The following NPAS3 variants were observed in gnomAD, a reference collection of about 807,000 sequenced individuals.
The protein encoded by NPAS3 is neuronal PAS domain-containing protein 3.
NPAS3 carries 14 observed loss-of-function variants against 73.1 expected under a neutral mutation model. That is an observed-to-expected ratio of 0.19 (90% CI 0.13 to 0.30). The LOEUF (loss-of-function observed/expected upper bound fraction) is 0.30. NPAS3 is among the 10% of genes least tolerant of loss of function. The pLI is 1.00. For missense variants in NPAS3, 1,096 were observed against 1,250.0 expected (o/e 0.88, Z 1.86); for synonymous variants, 620 against 541.5 (o/e 1.14, Z -2.01).
At chr14:33,162,793 T>C (rs2044950491) in intron 2 of NPAS3, among the ~76,000 whole-genome samples, 1 of 152,210 alleles carries the variant, frequency 6.6e-6, no homozygotes, top group Admixed American at 6.5e-5. Context: ...TGTACATGTG[T>C]CAGAAACATT....
intron 2 of NPAS3, among the ~76,000 whole-genome samples, chr14:33,159,420 T>C (rs575980993): frequency 3.0e-4 from 46 of 152,272 alleles, no homozygotes; most frequent in Admixed American, 1.5e-3. Flanking sequence ...TCTTGTAGAA[T>C]TATGGGAATC....
intron 1 of NPAS3, among the ~76,000 whole-genome samples, chr14:32,953,326 T>C (rs1221131332): frequency 6.6e-5 from 10 of 152,120 alleles, no homozygotes; most frequent in Admixed American, 6.6e-4. Context: ...TGTTTTCATT[T>C]ACTAAGTGTT....
intron 1 of NPAS3, among the ~76,000 whole-genome samples, chr14:32,946,554 G>A (rs141832390): frequency 2.8e-4 from 43 of 152,150 alleles, no homozygotes; most frequent in African/African-American, 1.0e-3. Context: ...CAAGATCTCA[G>A]TAGCAGACAA....
intron 2 of NPAS3, among the ~76,000 whole-genome samples, chr14:33,127,353 C>G (rs2043463666): frequency 1.3e-5 from 2 of 151,996 alleles, no homozygotes; most frequent in Non-Finnish European, 1.5e-5. Flanking sequence ...AGAATTTGGC[C>G]AGATGATTTT....
At chr14:33,144,678 A>G (rs1009483869) in intron 2 of NPAS3, among the ~76,000 whole-genome samples, 2 of 152,198 alleles carry the variant, frequency 1.3e-5, no homozygotes, top group Admixed American at 6.5e-5. Context: ...AGTAGTTAGG[A>G]CTACAAATGT....
chr14:33,290,364 C>A (rs183227083), intron 3 of NPAS3, among the ~76,000 whole-genome samples: 1 of 152,096 alleles, frequency 6.6e-6, no homozygotes, highest in Non-Finnish European at 1.5e-5. Context: ...CTAGGAAATA[C>A]GGCAAAACTA....
chr14:33,042,106 C>G (rs994159177), intron 1 of NPAS3, among the ~76,000 whole-genome samples: 1 of 152,132 alleles, frequency 6.6e-6, no homozygotes, highest in Non-Finnish European at 1.5e-5. Context: ...CCAGATAGAA[C>G]ATGAACAATT....
intron 5 of NPAS3, among the ~76,000 whole-genome samples, chr14:33,606,906 G>A (rs2057587316): frequency 6.6e-6 from 1 of 151,996 alleles, no homozygotes; most frequent in African/African-American, 2.4e-5. Flanking sequence ...AAAATTTAAT[G>A]GGCAAAATAT....
rs554135885 is a variant in NPAS3 at position 32,958,531 on chromosome 14, C to T, written c.50+19165C>T. Among the ~76,000 whole-genome samples, 216 of 152,304 alleles carry T rather than the reference C, an allele frequency of 1.4e-3. 2 individuals carry two copies. The South Asian group carries it at 0.015, about 11-fold the overall frequency. ...TCCAGAGTTCTGTCTGGGTTTTCTACTCGTCTCATTCTGCACTCCCTCCAG... is the reference window on the plus strand; with the variant it reads ...TCCAGAGTTCTGTCTGGGTTTTCTATTCGTCTCATTCTGCACTCCCTCCAG... On this transcript the variant is annotated intron_variant, in intron 1 of 11. Coordinates refer to ENST00000356141, the Ensembl canonical transcript of NPAS3.
chr14:33,247,306 A>C (rs1333583653), intron 3 of NPAS3, among the ~76,000 whole-genome samples: 2 of 152,208 alleles, frequency 1.3e-5, no homozygotes, highest in South Asian at 4.1e-4. Flanking sequence ...TCTTTGGGGA[A>C]ACCAGCTAAG....
chr14:33,556,217 C>T (rs138138451), intron 4 of NPAS3, among the ~76,000 whole-genome samples: 3 of 152,276 alleles, frequency 2.0e-5, no homozygotes, highest in African/African-American at 7.2e-5. Flanking sequence ...ATCTGAACCT[C>T]ATGTTAAAAA....
At chr14:33,552,819 G>T (rs923755874) in intron 4 of NPAS3, among the ~76,000 whole-genome samples, 15 of 152,082 alleles carry the variant, frequency 9.9e-5, no homozygotes, top group Non-Finnish European at 2.1e-4. Flanking sequence ...GCCAAGGTGG[G>T]AATTCCTCCT....
intron 7 of NPAS3, among the ~76,000 whole-genome samples, chr14:33,739,244 G>C (rs372216960): frequency 1.3e-5 from 2 of 152,284 alleles, no homozygotes; most frequent in African/African-American, 4.8e-5. Context: ...AAGGGAGGGA[G>C]GATGCAAGAA....
chr14:32,951,176 TCA>T (rs1841623202), intron 1 of NPAS3, among the ~76,000 whole-genome samples: 1 of 152,078 alleles, frequency 6.6e-6, no homozygotes, highest in African/African-American at 2.4e-5. Context: ...TTTCAGAGCC[TCA>T]GTTTCTTTAT....
chr14:33,272,819 G>A (rs949652898), intron 3 of NPAS3, among the ~76,000 whole-genome samples: 4 of 152,120 alleles, frequency 2.6e-5, no homozygotes, highest in Admixed American at 6.6e-5. Context: ...CAGTTACTTT[G>A]GGAGAAACAA....
chr14:33,098,458 C>T (rs1434143347), intron 2 of NPAS3, among the ~76,000 whole-genome samples: 1 of 152,148 alleles, frequency 6.6e-6, no homozygotes, highest in East Asian at 1.9e-4. Context: ...TAGACTAGTA[C>T]TGTCCTAGAC....
At chr14:33,571,711 A>G (rs1352289865) in intron 5 of NPAS3, among the ~76,000 whole-genome samples, 2 of 152,234 alleles carry the variant, frequency 1.3e-5, no homozygotes, top group African/African-American at 2.4e-5. Context: ...ATCTGATATT[A>G]TTTGACTAAA....
At chr14:33,092,773 C>G (rs1017779658) in intron 2 of NPAS3, among the ~76,000 whole-genome samples, 1 of 152,072 alleles carries the variant, frequency 6.6e-6, no homozygotes, top group African/African-American at 2.4e-5. Context: ...AAACAGAGAT[C>G]TAGACCAATG....
chr14:33,528,988 C>A (rs1234970889), intron 4 of NPAS3, among the ~76,000 whole-genome samples: 1 of 152,074 alleles, frequency 6.6e-6, no homozygotes, highest in Non-Finnish European at 1.5e-5. Flanking sequence ...TAAATTCAAA[C>A]CCAGAGCTGT....
Sources: allele counts gnomAD v4.1 joint callset (sites outside exome capture counted in the v4.1 genomes callset), GRCh38; gene constraint gnomAD v4.1.1; transcripts MANE v1.5; gene names NCBI Gene and HGNC (gene_info 2026-07-23, HGNC 2026-07-21).